Variants in CTNND2 observed in about 807,000 individuals in gnomAD.
CTNND2 encodes catenin delta-2.
A neutral mutation model predicts 144.4 loss-of-function variants in CTNND2; 22 were observed. The observed-to-expected ratio is 0.15, with a 90% CI of 0.11 to 0.22. CTNND2 has a LOEUF of 0.22. Ranked by LOEUF, CTNND2 falls within the 10% of genes least tolerant of loss-of-function variation. The pLI, the probability that CTNND2 is intolerant of heterozygous loss-of-function variation, is 1.00. For missense variants in CTNND2, 1,353 were observed against 1,618.8 expected, an observed-to-expected ratio of 0.84 and a Z score of 2.82; for synonymous variants, 751 against 695.6, an observed-to-expected ratio of 1.08 and a Z score of -1.25.
intron 17 of CTNND2, among the ~76,000 whole-genome samples, chr5:11,019,691 A>G (rs374868636): frequency 1.4e-4 from 22 of 152,338 alleles, no homozygotes; most frequent in African/African-American, 4.6e-4. Flanking sequence ...CTAAATATTG[A>G]TTGAAGGGCT....
At chr5:11,505,097 G>C (rs1056402801) in intron 3 of CTNND2, among the ~76,000 whole-genome samples, 1 of 151,946 alleles carries the variant, frequency 6.6e-6, no homozygotes, top group African/African-American at 2.4e-5. Flanking sequence ...TGTTAAAAGA[G>C]TTGGTGCTTT....
chr5:10,987,902 G>T (rs530933814), intron 20 of CTNND2, among the ~76,000 whole-genome samples: 31 of 152,066 alleles, frequency 2.0e-4, no homozygotes, highest in Non-Finnish European at 3.5e-4. Context: ...TAAAACATGG[G>T]TAGAAAACAT....
chr5:11,292,150 A>G (rs1473808392), intron 9 of CTNND2, among the ~76,000 whole-genome samples: 1 of 152,138 alleles, frequency 6.6e-6, no homozygotes, highest in Non-Finnish European at 1.5e-5. Context: ...CAATAAAACA[A>G]CAATAACAAA....
At chr5:11,474,624 A>G (rs967140435) in intron 3 of CTNND2, among the ~76,000 whole-genome samples, 2 of 152,226 alleles carry the variant, frequency 1.3e-5, no homozygotes, top group African/African-American at 4.8e-5. Flanking sequence ...GTGTCTCCTT[A>G]GGGATAGCAA....
At chr5:11,417,871 T>C (rs922632812) in intron 3 of CTNND2, among the ~76,000 whole-genome samples, 38 of 152,236 alleles carry the variant, frequency 2.5e-4, no homozygotes, top group African/African-American at 9.1e-4. Flanking sequence ...ATTGTTGTAA[T>C]AGCAAGACAA....
At chr5:11,684,774 G>A (rs1326728552) in intron 2 of CTNND2, among the ~76,000 whole-genome samples, 2 of 152,144 alleles carry the variant, frequency 1.3e-5, no homozygotes, top group Non-Finnish European at 2.9e-5. Flanking sequence ...CAACCACTTT[G>A]CTAAGTCATC....
chr5:11,902,789 G>GCA (rs1553993203), intron 1 of CTNND2, among the ~76,000 whole-genome samples: 4 of 149,840 alleles, frequency 2.7e-5, no homozygotes, highest in Non-Finnish European at 5.9e-5. Flanking sequence ...GAAAAGAAAA[G>GCA]AAAAAAAAAC....
chr5:11,888,650 T>C (rs1484540543), intron 1 of CTNND2, among the ~76,000 whole-genome samples: 1 of 152,100 alleles, frequency 6.6e-6, no homozygotes, highest in East Asian at 1.9e-4. Flanking sequence ...AGATCAAACA[T>C]GGTTACCTGT....
intron 2 of CTNND2, among the ~76,000 whole-genome samples, chr5:11,594,232 C>G (rs912789499): frequency 1.3e-5 from 2 of 152,148 alleles, no homozygotes; most frequent in African/African-American, 4.8e-5. Flanking sequence ...TCATGTATAA[C>G]CAGGCACACT....
At chr5:11,862,753 T>C (rs1795560320) in intron 1 of CTNND2, among the ~76,000 whole-genome samples, 1 of 152,234 alleles carries the variant, frequency 6.6e-6, no homozygotes, top group Non-Finnish European at 1.5e-5. Flanking sequence ...TTTATCTCCT[T>C]TGAGACATTG....
chr5:11,317,689 A>AT (rs56731697), intron 9 of CTNND2, among the ~76,000 whole-genome samples: 16 of 151,660 alleles, frequency 1.1e-4, no homozygotes, highest in South Asian at 4.2e-4. Flanking sequence ...TTCAAATACT[A>AT]TTTTTTTTTA....
intron 1 of CTNND2, among the ~76,000 whole-genome samples, chr5:11,738,969 C>T (rs544300365): frequency 3.3e-5 from 5 of 152,278 alleles, no homozygotes; most frequent in East Asian, 3.9e-4. Flanking sequence ...TGCAAGTATG[C>T]TGTGGGAAGC....
chr5:11,407,813 T>C (rs113027365), intron 5 of CTNND2, among the ~76,000 whole-genome samples: 8 of 152,332 alleles, frequency 5.3e-5, no homozygotes, highest in African/African-American at 1.9e-4. Flanking sequence ...AATCTGTCAA[T>C]GTGCCACTGC....
At chr5:11,418,998 A>C (rs6861132) in intron 3 of CTNND2, among the ~76,000 whole-genome samples, 47,878 of 146,412 alleles carry the variant, frequency 0.33, 11,686 homozygotes, top group African/African-American at 0.69. Flanking sequence ...GCATCTCTCT[A>C]TATATATATA....
chr5:11,430,248 C>CA (rs1307787997), intron 3 of CTNND2, among the ~76,000 whole-genome samples: 1,062 of 37,498 alleles, frequency 0.028, 17 homozygotes, highest in Non-Finnish European at 0.036. Context: ...GACTCCGTCT[C>CA]AAAAAAAAAA....
In CTNND2 at chr5:11,082,823, A is replaced by G. The variant is rs1444280341; in HGVS notation, c.2661T>C (p.Ala887=). 2 of 1,614,170 alleles carry G rather than the reference A, an allele frequency of 1.2e-6. No homozygotes were observed. Among genetic ancestry groups the G allele is most frequent in the Non-Finnish European group, 1.7e-6 (2 of 1,180,040 alleles). ...TGGGCAGGCCTTTCTCTTTTCGGAC[A>G]GCGGCTCGGATATATACTGACCACT... ...SWKWSVYIRA[A]VRKEKGLPIL... is the part of the protein sequence containing the mutation. Residue 887 remains alanine (A), a synonymous_variant, in exon 16 of 22, where the codon GCT becomes GCC. Transcript: ENST00000304623.
intron 1 of CTNND2, among the ~76,000 whole-genome samples, chr5:11,882,417 G>A (rs940820597): frequency 6.6e-6 from 1 of 151,934 alleles, no homozygotes; most frequent in Non-Finnish European, 1.5e-5. Flanking sequence ...GAGAGACAGG[G>A]TTCTAGTTTT....
chr5:11,301,256 A>G (rs1749575773), intron 9 of CTNND2, among the ~76,000 whole-genome samples: 1 of 152,042 alleles, frequency 6.6e-6, no homozygotes, highest in Admixed American at 6.6e-5. Flanking sequence ...TGACCTCGTG[A>G]GTTGCCCGCC....
intron 3 of CTNND2, among the ~76,000 whole-genome samples, chr5:11,519,509 T>G (rs1772521526): frequency 8.4e-5 from 2 of 23,910 alleles, no homozygotes; most frequent in Admixed American, 4.4e-4. Flanking sequence ...TTTTGTGGGT[T>G]TTTTTTTTTT....
Sources: gnomAD v4.1 joint callset for allele counts (sites outside exome capture counted in the v4.1 genomes callset) on GRCh38, gnomAD v4.1.1 for gene constraint, MANE v1.5 for transcripts, NCBI Gene and HGNC (gene_info 2026-07-23, HGNC 2026-07-21) for gene names.